VAV3: variants seen among roughly 807,000 people sequenced by gnomAD.
VAV3 encodes the protein vav guanine nucleotide exchange factor 3, also known as guanine nucleotide exchange factor VAV3.
Under a neutral mutation model 131.2 loss-of-function variants are expected in VAV3, and 94 were observed. The ratio of observed to expected loss-of-function variants is 0.72; its 90% confidence interval spans 0.61 to 0.85. The LOEUF is 0.85. Ranked by LOEUF, VAV3 falls within the 40% of genes least tolerant of loss-of-function variation. VAV3 has a pLI of 0.00. For missense variants in VAV3, 939 were observed against 1,002.7 expected (o/e 0.94, Z 0.86); for synonymous variants, 349 against 342.0 (o/e 1.02, Z -0.22).
chr1:107,696,079 T>C (rs1161153312), intron 17 of VAV3, among the ~76,000 whole-genome samples: 2 of 152,216 alleles, frequency 1.3e-5, no homozygotes, highest in East Asian at 3.8e-4. Flanking sequence ...TTGTCCTGCT[T>C]TGTAATCAAG....
chr1:107,885,913 AAGAG>A (rs1419781524), intron 1 of VAV3, among the ~76,000 whole-genome samples: 3 of 152,220 alleles, frequency 2.0e-5, no homozygotes, highest in Non-Finnish European at 4.4e-5. Flanking sequence ...AATCTTGAGA[AAGAG>A]AGAAACACAT....
intron 15 of VAV3, among the ~76,000 whole-genome samples, chr1:107,740,323 A>T (rs1027603264): frequency 1.3e-5 from 2 of 152,088 alleles, no homozygotes; most frequent in Admixed American, 6.5e-5. Context: ...GATATGGCTG[A>T]CTACTGAATA....
At chr1:107,926,730 C>CCCATGAAGGGAGTATTTAAACCAG (rs1673175785) in intron 1 of VAV3, among the ~76,000 whole-genome samples, 1 of 152,158 alleles carries the variant, frequency 6.6e-6, no homozygotes, top group Admixed American at 6.5e-5. Flanking sequence ...CTGAAGTCCG[C>CCCATGAAGGGAGTATTTAAACCAG]CCATGAAGGG....
chr1:107,781,711 G>C (rs767850244), intron 2 of VAV3, among the ~76,000 whole-genome samples: 25 of 152,038 alleles, frequency 1.6e-4, no homozygotes, highest in Admixed American at 3.9e-4. Flanking sequence ...AAAAAGAAAA[G>C]AAAATACAAT....
intron 2 of VAV3, among the ~76,000 whole-genome samples, chr1:107,801,947 CTTTTT>C (rs1294173066): frequency 6.6e-6 from 1 of 151,564 alleles, no homozygotes; most frequent in African/African-American, 2.4e-5. Flanking sequence ...TTATGTGTTT[CTTTTT>C]TTTATTATTA....
intron 2 of VAV3, among the ~76,000 whole-genome samples, chr1:107,840,697 GA>G (rs919671821): frequency 6.6e-6 from 1 of 151,838 alleles, no homozygotes; most frequent in Non-Finnish European, 1.5e-5. Context: ...GGCAGGAAAG[GA>G]AAAAAAGTGA....
At chr1:107,770,773 T>C (rs1664997982) in intron 5 of VAV3, 45 bp from the exon 6 acceptor site, 2 of 1,478,964 alleles carry the variant, frequency 1.4e-6, no homozygotes, top group Admixed American at 3.7e-5. Flanking sequence ...TAAAATCATA[T>C]ATTAACCTAT....
intron 15 of VAV3, among the ~76,000 whole-genome samples, chr1:107,729,573 C>T (rs185615698): frequency 4.2e-4 from 64 of 152,222 alleles, no homozygotes; most frequent in African/African-American, 1.4e-3. Flanking sequence ...GGCATGGGTA[C>T]GGAATCCCTG....
At chr1:107,710,347 G>C (rs112216180) in intron 15 of VAV3, among the ~76,000 whole-genome samples, 4 of 152,164 alleles carry the variant, frequency 2.6e-5, no homozygotes, top group African/African-American at 9.7e-5. Context: ...AGGAGAGCTG[G>C]AAGCAAATGT....
At chr1:107,875,448 T>G (rs1571077819) in intron 1 of VAV3, among the ~76,000 whole-genome samples, 1 of 151,840 alleles carries the variant, frequency 6.6e-6, no homozygotes, top group Non-Finnish European at 1.5e-5. Flanking sequence ...AGATCTGAGG[T>G]GCAAAAGGAG....
intron 21 of VAV3, among the ~76,000 whole-genome samples, chr1:107,614,285 T>G (rs1471636056): frequency 6.6e-6 from 1 of 152,084 alleles, no homozygotes; most frequent in Non-Finnish European, 1.5e-5. Context: ...TATATCAGAA[T>G]TTTTGAGGAG....
intron 2 of VAV3, chr1:107,785,421 T>G (rs1419053411): frequency 7.5e-7 from 1 of 1,327,564 alleles, no homozygotes; most frequent in Admixed American, 2.2e-5. Flanking sequence ...AACAACAACC[T>G]GGGTTCAAAA....
chr1:107,842,243 A>G (rs566519028), intron 2 of VAV3, among the ~76,000 whole-genome samples: 25 of 152,206 alleles, frequency 1.6e-4, no homozygotes, highest in Non-Finnish European at 3.1e-4. Context: ...AAATTCTAAA[A>G]TGAGTCCACT....
intron 17 of VAV3, among the ~76,000 whole-genome samples, chr1:107,688,866 T>A (rs1230410414): frequency 6.6e-6 from 1 of 152,192 alleles, no homozygotes; most frequent in East Asian, 1.9e-4. Context: ...GTGTGAATTG[T>A]TTTTTGTTAA....
At chr1:107,921,274 T>C (rs1371467714) in intron 1 of VAV3, among the ~76,000 whole-genome samples, 3 of 152,342 alleles carry the variant, frequency 2.0e-5, no homozygotes, top group East Asian at 1.9e-4. Flanking sequence ...CCAGGCTAAT[T>C]GCCAGGTATC....
At chr1:107,634,696 T>C (rs1381927334) in intron 20 of VAV3, among the ~76,000 whole-genome samples, 1 of 150,294 alleles carries the variant, frequency 6.7e-6, no homozygotes, top group African/African-American at 2.4e-5. Flanking sequence ...ACCTACAACA[T>C]GGGAGAAAAT....
chr1:107,938,823 G>C (rs1439987232), intron 1 of VAV3, among the ~76,000 whole-genome samples: 1 of 152,142 alleles, frequency 6.6e-6, no homozygotes, highest in Non-Finnish European at 1.5e-5. Context: ...CTGCACATAT[G>C]GACACAGTGA....
At chr1:107,619,015 G>C (rs542455803) in intron 20 of VAV3, among the ~76,000 whole-genome samples, 1 of 152,276 alleles carries the variant, frequency 6.6e-6, no homozygotes, top group African/African-American at 2.4e-5. Flanking sequence ...CCATGGTAAG[G>C]AAAGGAATTG....
chr1:107,604,381 T>C (rs1318245423), intron 22 of VAV3, among the ~76,000 whole-genome samples: 1 of 152,196 alleles, frequency 6.6e-6, no homozygotes, highest in South Asian at 2.1e-4. Context: ...TTTATGCAGA[T>C]GGTACCTTGC....
Sources: gnomAD v4.1 joint callset for allele counts (sites outside exome capture counted in the v4.1 genomes callset) on GRCh38, gnomAD v4.1.1 for gene constraint, MANE v1.5 for transcripts, NCBI Gene and HGNC (gene_info 2026-07-23, HGNC 2026-07-21) for gene names.